The following UNC13C variants were observed in gnomAD, a reference collection of about 807,000 sequenced individuals.
The protein encoded by UNC13C is unc-13 homolog C, also known as protein unc-13 homolog C.
UNC13C carries 174 observed loss-of-function variants against 245.4 expected under a neutral mutation model. The observed-to-expected ratio is 0.71, with a 90% CI of 0.63 to 0.80. The LOEUF is 0.80. UNC13C is among the 30% of genes least tolerant of loss of function. The pLI is 0.00. For missense variants in UNC13C, 2,829 were observed against 2,602.9 expected, an observed-to-expected ratio of 1.09 and a Z score of -1.89; for synonymous variants, 992 against 895.1, an observed-to-expected ratio of 1.11 and a Z score of -1.93.
chr15:53,893,482 C>A, the UNC13C span, among the ~76,000 whole-genome samples: 1 of 152,196 alleles, frequency 6.6e-6, no homozygotes, highest in Admixed American at 6.5e-5. Context: ...GTGCTCTGTT[C>A]CAGGGAGATG....
At chr15:54,377,312 A>G (rs540374100) in intron 17 of UNC13C, among the ~76,000 whole-genome samples, 1 of 152,320 alleles carries the variant, frequency 6.6e-6, no homozygotes, top group African/African-American at 2.4e-5. Flanking sequence ...AAAGTCACCC[A>G]TGTTCAAGGG....
chr15:54,335,073 T>C (rs1334522000), intron 16 of UNC13C, among the ~76,000 whole-genome samples: 1 of 152,136 alleles, frequency 6.6e-6, no homozygotes, highest in African/African-American at 2.4e-5. Context: ...CTTGTATGTG[T>C]CCATATATTC....
At chr15:53,980,072 T>G (rs1169103846) in intron 1 of UNC13C, among the ~76,000 whole-genome samples, 1 of 152,202 alleles carries the variant, frequency 6.6e-6, no homozygotes, top group Non-Finnish European at 1.5e-5. Context: ...TTAATTATTG[T>G]TGTTCCCACT....
chr15:54,594,014 G>C (rs1021286295), intron 30 of UNC13C, among the ~76,000 whole-genome samples: 1 of 152,152 alleles, frequency 6.6e-6, no homozygotes, highest in Non-Finnish European at 1.5e-5. Context: ...GTGCCACAGG[G>C]TTTTCCCTTG....
In UNC13C at chr15:54,602,288, A is replaced by C. The variant is rs993841498; in HGVS notation, c.6107-20039A>C. On this transcript the variant is annotated intron_variant, in intron 30 of 32. Transcript: ENST00000260323. ...TTACACACTACGCAGAGTAACTAAC[A>C]CAATTGTTTCTAATTCTTGGAGAAC... is the stretch of plus-strand genomic sequence containing the variant. 3.3e-5 allele frequency among the ~76,000 whole-genome samples: 5 copies of C among 152,314 alleles called. 1 individual carries two copies. In the South Asian group the frequency reaches 8.3e-4, roughly 25 times the overall value.
Position 54,304,463 on chromosome 15 carries a change from A to G in UNC13C, c.4268+4090A>G, listed in dbSNP as rs74015147. On this transcript the variant is annotated intron_variant, in intron 13 of 32. Transcript: ENST00000260323. ...GAATACTTATCATGACAAGCCTAAC[A>G]TTTTTCCCAGCTTAGCAAAACTTTA... Among the ~76,000 whole-genome samples the G allele has an allele frequency of 9.3e-3, 1,408 of 151,960 alleles. 27 individuals are homozygous for G. The highest frequency in any genetic ancestry group is 0.032 in the African/African-American group (1,347 of 41,474).
the UNC13C span, among the ~76,000 whole-genome samples, chr15:53,903,658 A>C: frequency 6.6e-6 from 1 of 152,128 alleles, no homozygotes; most frequent in Non-Finnish European, 1.5e-5. Flanking sequence ...TTCAAGACCT[A>C]CTCTGACAAT....
At chr15:54,447,205 G>A (rs935885979) in intron 19 of UNC13C, among the ~76,000 whole-genome samples, 1 of 152,184 alleles carries the variant, frequency 6.6e-6, no homozygotes, top group Non-Finnish European at 1.5e-5. Context: ...GTATTTTATT[G>A]AGGATATTTG....
At chr15:53,873,215 G>T in the UNC13C span, among the ~76,000 whole-genome samples, 1 of 151,936 alleles carries the variant, frequency 6.6e-6, no homozygotes, top group Non-Finnish European at 1.5e-5. Context: ...CACATTCAAT[G>T]CCTTCTGAGT....
rs1567288652 is a variant in UNC13C at position 54,455,164 on chromosome 15, C to CCTCTCTCTCTCTCTCTCTGTCTCTCT, written c.4934-39426_4934-39425insGTCTCTCTCTCTCTCTCTCTCTCTCT. ...TTCCTTTCTATGGCTGAGTCATATT[C>CCTCTCTCTCTCTCTCTCTGTCTCTCT]CTCTCTCTCTCTCTCTCTCTCTCTC... is the stretch of plus-strand genomic sequence containing the variant. On this transcript the variant is annotated intron_variant, in intron 19 of 32. Transcript: ENST00000260323. Among the ~76,000 whole-genome samples, 32 of 17,516 alleles carry CCTCTCTCTCTCTCTCTCTGTCTCTCT rather than the reference C, an allele frequency of 1.8e-3. 3 individuals are homozygous for CCTCTCTCTCTCTCTCTCTGTCTCTCT. Among genetic ancestry groups the CCTCTCTCTCTCTCTCTCTGTCTCTCT allele is most frequent in the Admixed American group, 9.8e-3 (11 of 1,118 alleles). 11.5% of individuals were successfully genotyped at this position (17,516 alleles called of 152,430 possible). A position where few individuals can be genotyped will look rare whatever the true frequency, so the allele number is the denominator to read the frequency against.
intron 28 of UNC13C, among the ~76,000 whole-genome samples, chr15:54,552,746 T>C (rs1896865883): frequency 1.2e-5 from 1 of 86,576 alleles, no homozygotes; most frequent in African/African-American, 4.7e-5. Context: ...ATATATATTA[T>C]ATAGTACAAT....
intron 19 of UNC13C, among the ~76,000 whole-genome samples, chr15:54,427,151 A>G (rs2040775222): frequency 1.3e-5 from 2 of 151,772 alleles, no homozygotes; most frequent in African/African-American, 4.8e-5. Context: ...AATGTATATG[A>G]TATGGTTTGG....
intron 30 of UNC13C, among the ~76,000 whole-genome samples, chr15:54,596,016 A>G (rs920927986): frequency 5.9e-5 from 9 of 152,318 alleles, no homozygotes; most frequent in South Asian, 4.1e-4. Context: ...AAAGTCTTCA[A>G]TAGGAGTTTT....
chr15:54,581,648 C>T (rs549793611), intron 30 of UNC13C, among the ~76,000 whole-genome samples: 1 of 152,290 alleles, frequency 6.6e-6, no homozygotes, highest in Non-Finnish European at 1.5e-5. Context: ...CTAAATACAG[C>T]CACACTGGGG....
At chr15:54,097,642 G>A (rs944967812) in intron 2 of UNC13C, among the ~76,000 whole-genome samples, 5 of 152,090 alleles carry the variant, frequency 3.3e-5, no homozygotes, top group African/African-American at 1.2e-4. Flanking sequence ...TCTAGGAGTG[G>A]ATCCAGAAGG....
chr15:54,286,181 C>T (rs901296284), intron 10 of UNC13C, among the ~76,000 whole-genome samples: 1 of 152,110 alleles, frequency 6.6e-6, no homozygotes, highest in Non-Finnish European at 1.5e-5. Flanking sequence ...CTGCCTGGTC[C>T]ATTATTTATT....
intron 18 of UNC13C, among the ~76,000 whole-genome samples, chr15:54,411,405 T>G (rs1340574973): frequency 6.6e-6 from 1 of 152,210 alleles, no homozygotes; most frequent in Non-Finnish European, 1.5e-5. Flanking sequence ...ATCTAGACAA[T>G]TTTTGCCTAA....
intron 4 of UNC13C, among the ~76,000 whole-genome samples, chr15:54,150,406 T>C (rs562011817): frequency 6.6e-6 from 1 of 152,364 alleles, no homozygotes; most frequent in African/African-American, 2.4e-5. Context: ...GATTGTATCA[T>C]GCCTGTTAGT....
rs145307389 is a variant in UNC13C at position 54,503,303 on chromosome 15, G to A, written c.5301+2325G>A. ...TATTGGAATGATTTAAAAATCTCTT[G>A]CCAGCATTTCTCTTTTTAACTCTTG... On this transcript the variant is annotated intron_variant, in intron 22 of 32. Coordinates refer to ENST00000260323, the MANE Select transcript of UNC13C (RefSeq NM_001080534.3). Among the ~76,000 whole-genome samples the A allele has an allele frequency of 5.6e-3, 857 of 152,134 alleles. 6 individuals carry two copies. The highest frequency in any genetic ancestry group is 0.019 in the African/African-American group (803 of 41,526).
Sources: allele counts gnomAD v4.1 joint callset (sites outside exome capture counted in the v4.1 genomes callset), GRCh38; gene constraint gnomAD v4.1.1; transcripts MANE v1.5; gene names NCBI Gene and HGNC (gene_info 2026-07-23, HGNC 2026-07-21).